PEX13: variants seen among roughly 807,000 people sequenced by gnomAD.
PEX13 encodes the protein peroxisomal biogenesis factor 13, also known as peroxisome biogenesis factor 13.
A neutral mutation model predicts 34.5 loss-of-function variants in PEX13; 28 were observed. The ratio of observed to expected loss-of-function variants is 0.81; its 90% confidence interval spans 0.60 to 1.11. The LOEUF is 1.11. Among genes scored for constraint, PEX13 ranks in the 50% most tolerant of loss-of-function variants. The probability of loss-of-function intolerance (pLI) is 0.00; values close to 1 mark genes in which losing one functional copy is unlikely to be tolerated. For synonymous variants in PEX13, 177 were observed against 175.1 expected, an observed-to-expected ratio of 1.01 and a Z score of -0.09; for missense variants, 550 against 491.0, an observed-to-expected ratio of 1.12 and a Z score of -1.13.
chr2:61,017,975 G>C, intron 1 of PEX13, 124 bp downstream of exon 1: 1 of 1,322,188 alleles, frequency 7.6e-7, no homozygotes, highest in Non-Finnish European at 1.0e-6. Context: ...CCAACCTTGG[G>C]GATAGGGGCC....
chr2:61,031,377 T>C (rs748855026), intron 1 of PEX13, 42 bp from the exon 2 acceptor site: 8 of 1,423,308 alleles, frequency 5.6e-6, no homozygotes, highest in Non-Finnish European at 5.9e-6. Context: ...ATTGAATTTA[T>C]TGTATGCTTA....
At chr2:61,040,458 C>A (rs1680603799) in intron 2 of PEX13, among the ~76,000 whole-genome samples, 1 of 151,942 alleles carries the variant, frequency 6.6e-6, no homozygotes, top group Admixed American at 6.6e-5. Flanking sequence ...AAGCTGGAAA[C>A]CATCATTCCC....
At chr2:61,020,837 T>C (rs777592498) in intron 1 of PEX13, among the ~76,000 whole-genome samples, 19 of 152,014 alleles carry the variant, frequency 1.2e-4, no homozygotes, top group Admixed American at 6.6e-5. Context: ...GTATTTTTAA[T>C]AGAGATGGGG....
chr2:61,037,666 T>A lies in PEX13; in HGVS notation c.787+5553T>A, dbSNP rs534196239. Among the ~76,000 whole-genome samples the A allele has an allele frequency of 2.0e-5, 3 of 152,108 alleles. No individual in the cohort carries two copies. The South Asian group carries it at 6.2e-4, about 32-fold the overall frequency. ...AAATGCCCACAAGAAGCAGGAAAGATCTAAAATCAACACCCTAACATCACA... is the reference window on the plus strand; with the variant it reads ...AAATGCCCACAAGAAGCAGGAAAGAACTAAAATCAACACCCTAACATCACA... On this transcript the variant is annotated intron_variant, in intron 2 of 3. Transcript: ENST00000295030.
At chr2:61,025,029 C>A (rs1319270804) in intron 1 of PEX13, among the ~76,000 whole-genome samples, 1 of 151,970 alleles carries the variant, frequency 6.6e-6, no homozygotes, top group African/African-American at 2.4e-5. Context: ...TTATCTAGAT[C>A]CCCTTTGGAG....
intron 1 of PEX13, among the ~76,000 whole-genome samples, chr2:61,022,144 G>A (rs1261070176): frequency 6.6e-6 from 1 of 152,206 alleles, no homozygotes. Context: ...GCAGCTCCTT[G>A]CCAGCAACGG....
chr2:61,021,334 A>G (rs1311020810), intron 1 of PEX13, among the ~76,000 whole-genome samples: 1 of 152,144 alleles, frequency 6.6e-6, no homozygotes, highest in African/African-American at 2.4e-5. Flanking sequence ...GGCTTTTTCC[A>G]CAGTCTTAGC....
chr2:61,048,503 G>C lies in PEX13; in HGVS notation c.945G>C (p.Leu315=). ...EQQPKVRGWL[L]ASLDGQTTGL... is the part of the protein sequence containing the mutation. ...AACCCAAAGTGCGTGGTTGGCTTCT[G>C]GCTAGCCTTGATGGCCAAACAACAG... is the stretch of plus-strand genomic sequence containing the variant. The change falls in exon 4 of 4, where the codon CTG becomes CTC. Residue 315 remains leucine (L), a synonymous_variant. Coordinates refer to ENST00000295030, the MANE Select transcript of PEX13 (RefSeq NM_002618.4). The C allele has an allele frequency of 6.2e-7, 1 of 1,613,996 alleles. No individual in the cohort carries two copies. The highest frequency in any genetic ancestry group is 2.2e-5 in the East Asian group (1 of 44,886).
At chr2:61,040,845 AAG>A (rs1212859231) in intron 2 of PEX13, among the ~76,000 whole-genome samples, 1 of 148,086 alleles carries the variant, frequency 6.8e-6, no homozygotes, top group African/African-American at 2.5e-5. Context: ...ATATATAAAA[AAG>A]TATATATATG....
At chr2:61,043,957 A>T (rs1680665841) in intron 2 of PEX13, among the ~76,000 whole-genome samples, 1 of 152,084 alleles carries the variant, frequency 6.6e-6, no homozygotes, top group South Asian at 2.1e-4. Context: ...TTAAATTCTG[A>T]GTTCTTTTTG....
chr2:61,030,884 T>A (rs894143589), intron 1 of PEX13, among the ~76,000 whole-genome samples: 1 of 152,122 alleles, frequency 6.6e-6, no homozygotes, highest in African/African-American at 2.4e-5. Context: ...AAATGGGGAA[T>A]AGCTGCTAAT....
At chr2:61,022,883 C>T (rs1280534244) in intron 1 of PEX13, among the ~76,000 whole-genome samples, 2 of 152,080 alleles carry the variant, frequency 1.3e-5, no homozygotes, top group Non-Finnish European at 2.9e-5. Context: ...AGAAAAAGAA[C>T]TCTATTCTAA....
rs1412376429 is a variant in PEX13, at chr2:61,048,685, C to T, written c.1127C>T (p.Ala376Val). ...GATTCTTTGGATGAACAGGAAGCTGCCTTTGAATCTGTTTTTGTTGAAACT... is the reference window on the plus strand; with the variant it reads ...GATTCTTTGGATGAACAGGAAGCTGTCTTTGAATCTGTTTTTGTTGAAACT... ...VADSLDEQEAAFESVFVETNK... is the reference protein window; with the variant it reads ...VADSLDEQEAVFESVFVETNK... Residue 376 changes from alanine to valine, a missense_variant, in exon 4 of 4, where the codon GCC (alanine) becomes GTC (valine). Ala to Val is a moderately conservative substitution (Grantham distance 64). Transcript: ENST00000295030. 4 of 1,613,650 alleles carry T rather than the reference C, an allele frequency of 2.5e-6. No homozygotes were observed. Among genetic ancestry groups the T allele is most frequent in the Non-Finnish European group, 3.4e-6 (4 of 1,179,684 alleles).
chr2:61,025,986 G>GAGTCTT (rs1295512566), intron 1 of PEX13, among the ~76,000 whole-genome samples: 1 of 152,040 alleles, frequency 6.6e-6, no homozygotes. Context: ...TTAGCCCAGG[G>GAGTCTT]AGTCTTAAAA....
intron 1 of PEX13, chr2:61,018,221 G>T: frequency 6.4e-7 from 1 of 1,551,002 alleles, no homozygotes; most frequent in Non-Finnish European, 8.7e-7. Flanking sequence ...AGCGGCATTT[G>T]TCCAGCCACG....
chr2:61,025,979 G>T (rs1455659333), intron 1 of PEX13, among the ~76,000 whole-genome samples: 1 of 152,056 alleles, frequency 6.6e-6, no homozygotes, highest in East Asian at 1.9e-4. Flanking sequence ...TGGCTCCTTA[G>T]CCCAGGGAGT....
At chr2:61,040,653 G>A (rs946539159) in intron 2 of PEX13, among the ~76,000 whole-genome samples, 2 of 151,472 alleles carry the variant, frequency 1.3e-5, no homozygotes, top group African/African-American at 2.4e-5. Context: ...GAGTTGATGG[G>A]TGCAGCAAAC....
intron 1 of PEX13, among the ~76,000 whole-genome samples, chr2:61,030,273 A>G (rs1680429568): frequency 6.6e-6 from 1 of 152,184 alleles, no homozygotes; most frequent in Admixed American, 6.5e-5. Context: ...GAAAATCAAT[A>G]TTCCTGGCAC....
Position 61,031,358 on chromosome 2 carries a change from T to C in PEX13, c.93-61T>C. The C allele has an allele frequency of 3.2e-6, 4 of 1,243,434 alleles. No homozygotes were observed. In the African/African-American group the frequency reaches 4.4e-5, roughly 14 times the overall value. 77.0% of individuals were successfully genotyped at this position (1,243,434 alleles called of 1,614,324 possible). A position where few individuals can be genotyped will look rare whatever the true frequency, so the allele number is the denominator to read the frequency against. The stretch of plus-strand genomic sequence containing the variant: ...CAGGTATATAGGAGATGTTTAATAC[T>C]TACTTTGAATTGAATTTATTGTATG... On this transcript the variant is annotated intron_variant, in intron 1 of 3. Coordinates refer to ENST00000295030, the MANE Select transcript of PEX13 (RefSeq NM_002618.4).
Sources: allele counts gnomAD v4.1 joint callset (sites outside exome capture counted in the v4.1 genomes callset), GRCh38; gene constraint gnomAD v4.1.1; transcripts MANE v1.5; gene names NCBI Gene and HGNC (gene_info 2026-07-23, HGNC 2026-07-21).